Variants in MLLT3 observed in about 807,000 individuals in gnomAD.
MLLT3 encodes protein AF-9.
In MLLT3, 4 loss-of-function variants were observed where a neutral mutation model predicts 53.2. The ratio of observed to expected loss-of-function variants is 0.08; its 90% CI spans 0.04 to 0.17. The LOEUF is 0.17. Among genes scored for constraint, MLLT3 ranks in the 10% least tolerant of loss-of-function variants. The pLI is 1.00. For missense variants in MLLT3, 569 were observed against 684.0 expected (o/e 0.83, Z 1.87); for synonymous variants, 283 against 230.6 (o/e 1.23, Z -2.06).
At position 20,622,423 on chromosome 9, in the gene MLLT3, C is replaced by A; in HGVS notation, c.-167G>T. 1.6e-6 allele frequency: 1 copy of A among 619,092 alleles called. No individual in the cohort carries two copies. The highest frequency in any genetic ancestry group is 2.8e-6 in the Non-Finnish European group (1 of 362,508). The allele number at this position is 619,092 out of a possible 1,614,324, so 38.3% of individuals were successfully genotyped here. A position where few individuals can be genotyped will look rare whatever the true frequency, so the allele number is the denominator to read the frequency against. ...TTTTCCCCCCGCGCTCGCTTGCTCG[C>A]TCGCTCGCTTATTAAACTCAGCCCC... is the stretch of plus-strand genomic sequence containing the variant. On this transcript the variant is annotated 5_prime_UTR_variant, in exon 1 of 11. Transcript: ENST00000380338.
At chr9:20,593,701 A>C (rs1199622247) in intron 2 of MLLT3, among the ~76,000 whole-genome samples, 1 of 152,160 alleles carries the variant, frequency 6.6e-6, no homozygotes, top group Non-Finnish European at 1.5e-5. Context: ...GCTGTGACTC[A>C]GAAGAAACAA....
rs537310716 is a variant in MLLT3 at position 20,523,289 on chromosome 9, G to A, written c.194-66503C>T. 3.3e-5 allele frequency among the ~76,000 whole-genome samples: 5 copies of A among 152,302 alleles called. No individual in the cohort carries two copies. In the East Asian group the frequency reaches 9.6e-4, roughly 29 times the overall value. ...GCTGGTAGAAATGCAAAATGGTATA[G>A]CCACTTTGGAAGACATTTGGCAGTT... is the stretch of plus-strand genomic sequence containing the variant. On this transcript the variant is annotated intron_variant, in intron 2 of 10. Transcript: ENST00000380338.
intron 2 of MLLT3, among the ~76,000 whole-genome samples, chr9:20,554,836 T>C (rs1348195044): frequency 6.6e-6 from 1 of 152,352 alleles, no homozygotes; most frequent in East Asian, 1.9e-4. Flanking sequence ...ATTTATTATT[T>C]TGTTAACCAA....
chr9:20,457,729 C>G lies in MLLT3; in HGVS notation c.194-943G>C, dbSNP rs1586963344. ...TAAGAATACATAAGAAACAATAAGGCTTTTATTTCTCATGGAGTTAAAAGG... is the reference window on the plus strand; with the variant it reads ...TAAGAATACATAAGAAACAATAAGGGTTTTATTTCTCATGGAGTTAAAAGG... On this transcript the variant is annotated intron_variant, in intron 2 of 10. Coordinates refer to ENST00000380338, the MANE Select transcript of MLLT3 (RefSeq NM_004529.4). 7.9e-5 allele frequency among the ~76,000 whole-genome samples: 12 copies of G among 152,280 alleles called. No individual in the cohort carries two copies. In the South Asian group the frequency reaches 2.5e-3, roughly 32 times the overall value.
intron 2 of MLLT3, among the ~76,000 whole-genome samples, chr9:20,507,121 A>T (rs1381889714): frequency 1.3e-5 from 2 of 152,230 alleles, no homozygotes; most frequent in Non-Finnish European, 2.9e-5. Flanking sequence ...CGGTGTCTAC[A>T]TTTGAAAGAG....
chr9:20,565,987 T>TA (rs1491360680), intron 2 of MLLT3, among the ~76,000 whole-genome samples: 3 of 112,358 alleles, frequency 2.7e-5, no homozygotes, highest in South Asian at 2.7e-4. Flanking sequence ...TATATATTTA[T>TA]TTATATATTT....
chr9:20,434,693 T>C (rs1823359523), intron 4 of MLLT3, among the ~76,000 whole-genome samples: 1 of 152,144 alleles, frequency 6.6e-6, no homozygotes, highest in Non-Finnish European at 1.5e-5. Flanking sequence ...CCTTTTCTAA[T>C]AAAAGGAAAG....
chr9:20,585,178 G>C (rs949816128), intron 2 of MLLT3, among the ~76,000 whole-genome samples: 2 of 152,104 alleles, frequency 1.3e-5, no homozygotes, highest in Admixed American at 1.3e-4. Flanking sequence ...TTTCCGGTGA[G>C]GACTCTCTTT....
At chr9:20,415,115 C>A (rs1489706539) in intron 4 of MLLT3, among the ~76,000 whole-genome samples, 5 of 151,958 alleles carry the variant, frequency 3.3e-5, no homozygotes, top group Non-Finnish European at 1.5e-5. Flanking sequence ...ATCATAAAAC[C>A]CCCCCAAAAG....
intron 2 of MLLT3, among the ~76,000 whole-genome samples, chr9:20,599,459 A>T (rs1587118533): frequency 1.1e-4 from 1 of 9,268 alleles, no homozygotes; most frequent in African/African-American, 1.9e-4. Flanking sequence ...CCAGATGTTT[A>T]AAAAAAAAAA....
In MLLT3 at chr9:20,620,563, G is replaced by A; in HGVS notation, c.193+91C>T. 2 of 1,177,656 alleles carry A rather than the reference G, an allele frequency of 1.7e-6. No homozygotes were observed. The highest frequency in any genetic ancestry group is 6.1e-5 in the East Asian group (2 of 33,020). 73.0% of individuals were successfully genotyped at this position (1,177,656 alleles called of 1,614,324 possible). A position where few individuals can be genotyped will look rare whatever the true frequency, so the allele number is the denominator to read the frequency against. ...AGGCTACGCCGGCGAGCGCGGCGCG[G>A]GGGGCGGGGAGCGGGACAGCGGGAC... is the stretch of plus-strand genomic sequence containing the variant. On this transcript the variant is annotated intron_variant, in intron 2 of 10. Coordinates refer to ENST00000380338, the MANE Select transcript of MLLT3 (RefSeq NM_004529.4). This position sits in a 1 kb window ranked among gnomAD's most constrained non-coding sequence, Gnocchi z 6.1.
chr9:20,574,911 T>A (rs568867051), intron 2 of MLLT3, among the ~76,000 whole-genome samples: 1 of 152,354 alleles, frequency 6.6e-6, no homozygotes, highest in African/African-American at 2.4e-5. Context: ...ATCAACCACG[T>A]TATATGTAAT....
chr9:20,512,940 T>C (rs1234121452), intron 2 of MLLT3, among the ~76,000 whole-genome samples: 1 of 152,224 alleles, frequency 6.6e-6, no homozygotes, highest in East Asian at 1.9e-4. Context: ...TACTCCACGG[T>C]ATAGGACAAT....
intron 2 of MLLT3, among the ~76,000 whole-genome samples, chr9:20,543,944 A>G (rs1164321045): frequency 8.8e-6 from 1 of 114,214 alleles, no homozygotes; most frequent in Non-Finnish European, 1.8e-5. Flanking sequence ...AGTGAAGCAC[A>G]ATAAAACAAG....
chr9:20,439,809 AGGTT>A (rs1274648174), intron 4 of MLLT3, among the ~76,000 whole-genome samples: 1 of 152,160 alleles, frequency 6.6e-6, no homozygotes, highest in Non-Finnish European at 1.5e-5. Flanking sequence ...ATACTGACAG[AGGTT>A]ATAGTCACCA....
chr9:20,458,089 C>T (rs1037543104), intron 2 of MLLT3, among the ~76,000 whole-genome samples: 1 of 152,228 alleles, frequency 6.6e-6, no homozygotes, highest in Admixed American at 6.5e-5. Flanking sequence ...CCTTCCACCA[C>T]ACCTTGAAGC....
At chr9:20,502,819 G>C (rs1386672789) in intron 2 of MLLT3, among the ~76,000 whole-genome samples, 1 of 152,134 alleles carries the variant, frequency 6.6e-6, no homozygotes, top group African/African-American at 2.4e-5. Flanking sequence ...TCAAAAAACT[G>C]TTAGAACTAA....
In MLLT3 at chr9:20,348,353, G is replaced by A. The variant is rs550191210; in HGVS notation, c.1576-1779C>T. Among the ~76,000 whole-genome samples the A allele has an allele frequency of 3.9e-5, 6 of 152,218 alleles. No individual in the cohort carries two copies. The South Asian group carries it at 1.2e-3, about 32-fold the overall frequency. On this transcript the variant is annotated intron_variant, in intron 10 of 10. Transcript: ENST00000380338. The stretch of plus-strand genomic sequence containing the variant: ...TACAATTTATTTGTCAGAACTCACT[G>A]TTTTCAGGAATATTTCTGAAAAGGG...
intron 8 of MLLT3, among the ~76,000 whole-genome samples, chr9:20,355,780 G>T (rs1821157812): frequency 6.6e-6 from 1 of 152,160 alleles, no homozygotes; most frequent in African/African-American, 2.4e-5. Flanking sequence ...TATAACTGGA[G>T]ACTAATATTA....
Sources: gnomAD v4.1 joint callset for allele counts (sites outside exome capture counted in the v4.1 genomes callset) on GRCh38, gnomAD v4.1.1 for gene constraint, Gnocchi (gnomAD v3.1) non-coding constraint, MANE v1.5 for transcripts, NCBI Gene and HGNC (gene_info 2026-07-23, HGNC 2026-07-21) for gene names.